MEI4: variants seen among roughly 807,000 people sequenced by gnomAD.
The protein encoded by MEI4 is meiotic double-stranded break formation protein 4.
In MEI4, 27 loss-of-function variants were observed where a neutral mutation model predicts 31.4. That is an observed-to-expected ratio of 0.86 (90% CI 0.63 to 1.19). The LOEUF is 1.19. MEI4 is among the 50% of genes most tolerant of loss of function. The pLI is 0.00. For missense variants in MEI4, 329 were observed against 398.9 expected, an observed-to-expected ratio of 0.82 and a Z score of 1.49; for synonymous variants, 122 against 145.4, an observed-to-expected ratio of 0.84 and a Z score of 1.16.
At chr6:77,662,932 C>T (rs1412952729) in intron 1 of MEI4, among the ~76,000 whole-genome samples, 2 of 152,164 alleles carry the variant, frequency 1.3e-5, no homozygotes, top group Non-Finnish European at 2.9e-5. Flanking sequence ...TGCAGCAGTA[C>T]AGCCTAGGTA....
At chr6:77,751,283 A>G (rs898026396) in intron 2 of MEI4, among the ~76,000 whole-genome samples, 20 of 152,112 alleles carry the variant, frequency 1.3e-4, no homozygotes, top group Non-Finnish European at 2.6e-4. Flanking sequence ...GAACTGAAGG[A>G]GATAGAAACA....
intron 4 of MEI4, among the ~76,000 whole-genome samples, chr6:77,851,632 T>G (rs1432843527): frequency 1.9e-4 from 18 of 95,872 alleles, no homozygotes; most frequent in African/African-American, 4.1e-5. Context: ...GGGGCCTGTT[T>G]TGGGGTGGGG....
At chr6:77,757,268 A>G (rs1467052234) in intron 2 of MEI4, among the ~76,000 whole-genome samples, 1 of 152,204 alleles carries the variant, frequency 6.6e-6, no homozygotes, top group African/African-American at 2.4e-5. Context: ...TGACTTTAAC[A>G]TTGGGAGCCA....
chr6:77,676,742 G>A (rs915229699), intron 1 of MEI4, among the ~76,000 whole-genome samples: 1 of 152,092 alleles, frequency 6.6e-6, no homozygotes, highest in African/African-American at 2.4e-5. Context: ...GTCATCCTCT[G>A]TTCTCTGACT....
chr6:77,854,727 T>C (rs973296666), intron 4 of MEI4, among the ~76,000 whole-genome samples: 9 of 151,934 alleles, frequency 5.9e-5, no homozygotes, highest in African/African-American at 2.2e-4. Context: ...AGTGGGGTGG[T>C]CATATTAGTG....
At chr6:77,905,657 T>C (rs922467297) in intron 4 of MEI4, among the ~76,000 whole-genome samples, 11 of 151,748 alleles carry the variant, frequency 7.2e-5, no homozygotes, top group African/African-American at 2.2e-4. Context: ...CCAGCATGCC[T>C]AGCTAATTTT....
chr6:77,774,351 G>A lies in MEI4; in HGVS notation c.768+12686G>A, dbSNP rs138421908. On this transcript the variant is annotated intron_variant, in intron 3 of 4. Coordinates refer to ENST00000684080, the MANE Select transcript of MEI4 (RefSeq NM_001322247.2). ...AGCCGTAAAAAAAGAATGAGATCCTGTCATTTGCAACGACATTGATGGAAC... is the reference window on the plus strand; with the variant it reads ...AGCCGTAAAAAAAGAATGAGATCCTATCATTTGCAACGACATTGATGGAAC... 5.9e-4 allele frequency among the ~76,000 whole-genome samples: 90 copies of A among 152,166 alleles called. 1 individual carries two copies. Among genetic ancestry groups the A allele is most frequent in the African/African-American group, 2.0e-3 (85 of 41,536 alleles).
At chr6:77,692,512 A>G (rs766734150) in intron 2 of MEI4, among the ~76,000 whole-genome samples, 1 of 152,014 alleles carries the variant, frequency 6.6e-6, no homozygotes, top group Non-Finnish European at 1.5e-5. Flanking sequence ...AGGGATACCA[A>G]TTTTTAAAGC....
At chr6:77,884,365 T>C (rs2127729839) in intron 4 of MEI4, among the ~76,000 whole-genome samples, 1 of 152,316 alleles carries the variant, frequency 6.6e-6, no homozygotes, top group South Asian at 2.1e-4. Context: ...AATGTAATAG[T>C]AATATGTGTC....
chr6:77,858,916 AAG>A (rs1491035764), intron 4 of MEI4, among the ~76,000 whole-genome samples: 1,138 of 87,994 alleles, frequency 0.013, 18 homozygotes, highest in African/African-American at 0.047. Flanking sequence ...CTAAAAAAAA[AAG>A]AAAACAGGAC....
intron 4 of MEI4, among the ~76,000 whole-genome samples, chr6:77,918,243 C>T (rs1323129951): frequency 2.7e-3 from 405 of 151,622 alleles, no homozygotes; most frequent in African/African-American, 8.9e-3. Context: ...ATTGACTTGG[C>T]GATGCAGGCT....
intron 4 of MEI4, among the ~76,000 whole-genome samples, chr6:77,918,764 T>C (rs1766628276): frequency 6.6e-6 from 1 of 151,942 alleles, no homozygotes; most frequent in East Asian, 1.9e-4. Flanking sequence ...CTTTATTTCC[T>C]TCTCCTGCCT....
chr6:77,779,761 ACT>A (rs1768546510), intron 3 of MEI4, among the ~76,000 whole-genome samples: 1 of 151,928 alleles, frequency 6.6e-6, no homozygotes, highest in Admixed American at 6.6e-5. Context: ...TAGTTTGGAA[ACT>A]CTTAGAAACA....
At chr6:77,751,460 TACAA>T (rs1767773052) in intron 2 of MEI4, among the ~76,000 whole-genome samples, 1 of 151,942 alleles carries the variant, frequency 6.6e-6, no homozygotes, top group South Asian at 2.1e-4. Flanking sequence ...CCCACAGAAA[TACAA>T]ACTACCAACA....
At chr6:77,908,870 A>C (rs1477692735) in intron 4 of MEI4, among the ~76,000 whole-genome samples, 2 of 152,070 alleles carry the variant, frequency 1.3e-5, no homozygotes, top group African/African-American at 2.4e-5. Context: ...GATACCTACA[A>C]AGAGAGAGAC....
At chr6:77,732,552 A>G (rs997646417) in intron 2 of MEI4, among the ~76,000 whole-genome samples, 67 of 152,026 alleles carry the variant, frequency 4.4e-4, no homozygotes, top group Admixed American at 7.9e-4. Flanking sequence ...TTTTCCAGAT[A>G]TACAATCATG....
At chr6:77,883,719 T>G (rs867464143) in intron 4 of MEI4, among the ~76,000 whole-genome samples, 10 of 133,524 alleles carry the variant, frequency 7.5e-5, no homozygotes, top group South Asian at 4.7e-4. Context: ...TTATGTAAGA[T>G]ATATATATAT....
chr6:77,865,181 C>T (rs1178717255), intron 4 of MEI4, among the ~76,000 whole-genome samples: 1 of 152,010 alleles, frequency 6.6e-6, no homozygotes, highest in Admixed American at 6.5e-5. Context: ...ACTAGAGAAG[C>T]AAGAGCAAAC....
intron 2 of MEI4, among the ~76,000 whole-genome samples, chr6:77,697,666 T>C (rs1217450469): frequency 6.6e-6 from 1 of 152,174 alleles, no homozygotes; most frequent in Non-Finnish European, 1.5e-5. Context: ...TTACATTTGC[T>C]GAGGAGAGCT....
Sources: gnomAD v4.1 joint callset for allele counts (sites outside exome capture counted in the v4.1 genomes callset) on GRCh38, gnomAD v4.1.1 for gene constraint, MANE v1.5 for transcripts, NCBI Gene and HGNC (gene_info 2026-07-23, HGNC 2026-07-21) for gene names.